TCF7L2: variants seen among roughly 807,000 people sequenced by gnomAD.
The protein encoded by TCF7L2 is transcription factor 7-like 2.
TCF7L2 carries 23 observed loss-of-function variants against 77.9 expected under a neutral mutation model. That is an observed-to-expected ratio of 0.30 (90% CI 0.21 to 0.42). TCF7L2 has a LOEUF of 0.42. Among genes scored for constraint, TCF7L2 ranks in the 10% least tolerant of loss-of-function variants. The pLI is 1.00. For missense variants in TCF7L2, 654 were observed against 793.1 expected (o/e 0.82, Z 2.11); for synonymous variants, 413 against 340.2 (o/e 1.21, Z -2.36).
At chr10:112,966,211 T>TATATATATATATA (rs57702716) in intron 4 of TCF7L2, among the ~76,000 whole-genome samples, 6 of 137,444 alleles carry the variant, frequency 4.4e-5, no homozygotes, top group African/African-American at 1.8e-4. Context: ...TATATATATA[T>TATATATATATATA]TTTCTTTTCT....
intron 3 of TCF7L2, 135 bp downstream of exon 3, chr10:112,951,742 C>T (rs950006995): frequency 3.0e-6 from 1 of 328,428 alleles, no homozygotes. Flanking sequence ...CTCCCCTCCC[C>T]CGCTCGTGGC....
intron 6 of TCF7L2, among the ~76,000 whole-genome samples, chr10:113,142,223 T>A (rs936738028): frequency 3.9e-5 from 6 of 152,214 alleles, no homozygotes; most frequent in Admixed American, 3.9e-4. Flanking sequence ...CAGGCTGGTC[T>A]CGAACTCCTG....
At chr10:112,962,246 G>A (rs1268220637) in intron 3 of TCF7L2, among the ~76,000 whole-genome samples, 1 of 152,218 alleles carries the variant, frequency 6.6e-6, no homozygotes, top group Middle Eastern at 3.4e-3. Context: ...ATTGCCTAGG[G>A]GCTCTGCAGG....
At chr10:113,159,965 A>G in intron 12 of TCF7L2, 4 of 1,612,824 alleles carry the variant, frequency 2.5e-6, no homozygotes, top group East Asian at 2.2e-5. Flanking sequence ...GGCCTTGATC[A>G]ACAGAATAAC....
chr10:112,970,271 G>A (rs1278683043), intron 4 of TCF7L2, among the ~76,000 whole-genome samples: 1 of 151,904 alleles, frequency 6.6e-6, no homozygotes, highest in Non-Finnish European at 1.5e-5. Flanking sequence ...ACACAGCTGA[G>A]GAGTGGATAC....
At chr10:112,960,658 G>T (rs981588977) in intron 3 of TCF7L2, among the ~76,000 whole-genome samples, 1 of 151,804 alleles carries the variant, frequency 6.6e-6, no homozygotes, top group Non-Finnish European at 1.5e-5. Context: ...ACTGGTGCAG[G>T]ACAGTCCCAA....
chr10:113,003,130 A>G (rs1022204703), intron 4 of TCF7L2, among the ~76,000 whole-genome samples: 1 of 152,256 alleles, frequency 6.6e-6, no homozygotes, highest in African/African-American at 2.4e-5. Context: ...TCTCCATTGT[A>G]TAACATACAA....
chr10:112,965,644 T>C (rs2036592384), intron 4 of TCF7L2, among the ~76,000 whole-genome samples: 1 of 142,502 alleles, frequency 7.0e-6, no homozygotes, highest in African/African-American at 2.8e-5. Flanking sequence ...TGTGTGTGTG[T>C]GTGTGTGTGT....
At chr10:113,116,504 A>G (rs1321248512) in intron 5 of TCF7L2, among the ~76,000 whole-genome samples, 2 of 152,260 alleles carry the variant, frequency 1.3e-5, no homozygotes, top group African/African-American at 4.8e-5. Flanking sequence ...TATATGTTAA[A>G]TATCAAGTAG....
chr10:112,969,161 C>T (rs1441823267), intron 4 of TCF7L2, among the ~76,000 whole-genome samples: 2 of 152,160 alleles, frequency 1.3e-5, no homozygotes, highest in East Asian at 1.9e-4. Flanking sequence ...CCCCTGCCCC[C>T]ACTGAAAAGT....
intron 5 of TCF7L2, among the ~76,000 whole-genome samples, chr10:113,046,476 C>A (rs939898217): frequency 6.6e-6 from 1 of 152,160 alleles, no homozygotes; most frequent in African/African-American, 2.4e-5. Flanking sequence ...GAGCTGCAGT[C>A]TCTCTCCTGG....
At chr10:113,050,463 A>G (rs1411966817) in intron 5 of TCF7L2, among the ~76,000 whole-genome samples, 1 of 152,090 alleles carries the variant, frequency 6.6e-6, no homozygotes, top group Non-Finnish European at 1.5e-5. Flanking sequence ...AGAACACACT[A>G]AGAGAAGTGT....
chr10:112,986,360 T>G (rs2041545700), intron 4 of TCF7L2, among the ~76,000 whole-genome samples: 1 of 152,146 alleles, frequency 6.6e-6, no homozygotes, highest in African/African-American at 2.4e-5. Context: ...AACTGATTAG[T>G]TCCTAAAAGA....
At chr10:113,146,805 C>T (rs1398890412) in intron 8 of TCF7L2, among the ~76,000 whole-genome samples, 1 of 152,100 alleles carries the variant, frequency 6.6e-6, no homozygotes, top group African/African-American at 2.4e-5. Context: ...ACGCACAGCA[C>T]TTCTCAGTTT....
chr10:112,978,907 G>A (rs1479886589), intron 4 of TCF7L2, among the ~76,000 whole-genome samples: 1 of 152,080 alleles, frequency 6.6e-6, no homozygotes, highest in East Asian at 1.9e-4. Flanking sequence ...ATGTATACAT[G>A]TGCCATGTTG....
intron 5 of TCF7L2, among the ~76,000 whole-genome samples, chr10:113,042,367 T>C (rs1433305206): frequency 2.0e-5 from 3 of 152,178 alleles, no homozygotes; most frequent in Non-Finnish European, 4.4e-5. Flanking sequence ...CTACAATCTT[T>C]TGGGCTTTCT....
intron 5 of TCF7L2, among the ~76,000 whole-genome samples, chr10:113,085,743 T>C (rs2059770812): frequency 6.6e-6 from 1 of 152,204 alleles, no homozygotes; most frequent in African/African-American, 2.4e-5. Flanking sequence ...GCCCTGTCAG[T>C]CTACCTTCTC....
intron 4 of TCF7L2, chr10:112,987,912 A>T (rs2041860706): frequency 1.3e-5 from 2 of 150,446 alleles, no homozygotes; most frequent in Non-Finnish European, 3.0e-5. Context: ...AAATAAAAAT[A>T]AAATAAAAAT....
At chr10:112,980,720 C>T (rs1036998941) in intron 4 of TCF7L2, among the ~76,000 whole-genome samples, 1 of 152,076 alleles carries the variant, frequency 6.6e-6, no homozygotes, top group Non-Finnish European at 1.5e-5. Flanking sequence ...CTCCGCCTCC[C>T]GGGTTCATGC....
Sources: allele counts gnomAD v4.1 joint callset (sites outside exome capture counted in the v4.1 genomes callset), GRCh38; gene constraint gnomAD v4.1.1; transcripts MANE v1.5; gene names NCBI Gene and HGNC (gene_info 2026-07-23, HGNC 2026-07-21).